The following THTPA variants were observed in gnomAD, a reference collection of about 807,000 sequenced individuals.
The protein encoded by THTPA is thiamine-triphosphatase.
THTPA carries 16 observed loss-of-function variants against 16.5 expected under a neutral mutation model. The ratio of observed to expected loss-of-function variants is 0.97; its 90% CI spans 0.66 to 1.47. The LOEUF (loss-of-function observed/expected upper bound fraction) is 1.47. Among genes scored for constraint, THTPA ranks in the 40% most tolerant of loss-of-function variants. THTPA has a pLI of 0.00. For synonymous variants in THTPA, 110 were observed against 115.5 expected, an observed-to-expected ratio of 0.95 and a Z score of 0.30; for missense variants, 281 against 280.9, an observed-to-expected ratio of 1.00 and a Z score of 0.00.
the THTPA span, among the ~76,000 whole-genome samples, chr14:23,515,665 AT>A: frequency 6.6e-6 from 1 of 152,132 alleles, no homozygotes; most frequent in East Asian, 1.9e-4. Flanking sequence ...GATCTGGAAG[AT>A]TTGGCTGTGG....
chr14:23,556,583 G>A lies in THTPA; in HGVS notation c.-175G>A. Reference sequence around the variant, plus strand: ...AAAATATCACCGACGGGGCCTTAATGTCACCGAGGTAGAGAGAAAAGGGCA... The same window carrying A: ...AAAATATCACCGACGGGGCCTTAATATCACCGAGGTAGAGAGAAAAGGGCA... On this transcript the variant is annotated 5_prime_UTR_variant, in exon 1 of 2. An upstream start codon of the reference 5' UTR is lost. Coordinates refer to ENST00000288014, the MANE Select transcript of THTPA (RefSeq NM_024328.6). 1.5e-6 allele frequency: 1 copy of A among 672,630 alleles called. No homozygotes were observed. The highest frequency in any genetic ancestry group is 2.5e-6 in the Non-Finnish European group (1 of 406,350). 41.7% of individuals were successfully genotyped at this position (672,630 alleles called of 1,614,324 possible).
At chr14:23,525,644 T>C in the THTPA span, 1 of 1,535,848 alleles carries the variant, frequency 6.5e-7, no homozygotes, top group Non-Finnish European at 8.7e-7. This position sits in a 1 kb window ranked among gnomAD's most constrained non-coding sequence, Gnocchi z 5.9. Context: ...GGCAGCCTCG[T>C]TGGGCAATGG....
chr14:23,513,724 T>TG, the THTPA span: 40,332 of 152,304 alleles, frequency 0.26, 5,970 homozygotes, highest in African/African-American at 0.41. Flanking sequence ...TGGGAGCTGT[T>TG]GGCATCACAT....
At chr14:23,543,578 G>C in the THTPA span, 1 of 152,298 alleles carries the variant, frequency 6.6e-6, no homozygotes, top group African/African-American at 2.4e-5. Context: ...GCACTGCTTT[G>C]CGCAACTCCA....
At chr14:23,550,690 G>C in the THTPA span, among the ~76,000 whole-genome samples, 7 of 152,160 alleles carry the variant, frequency 4.6e-5, no homozygotes, top group Admixed American at 3.3e-4. Context: ...TGGTAGGATG[G>C]GCGTGCAGGA....
At chr14:23,530,401 C>G in the THTPA span, 1 of 684,646 alleles carries the variant, frequency 1.5e-6, no homozygotes, top group East Asian at 2.7e-5. Flanking sequence ...CTGGTAGGGC[C>G]TAAGAGATCA....
the THTPA span, among the ~76,000 whole-genome samples, chr14:23,517,933 C>T: frequency 3.3e-5 from 5 of 152,198 alleles, no homozygotes; most frequent in Admixed American, 6.5e-5. Context: ...TTCCTCTTAC[C>T]GGTTACTTTT....
chr14:23,527,267 G>A, the THTPA span, among the ~76,000 whole-genome samples: 1 of 152,206 alleles, frequency 6.6e-6, no homozygotes, highest in African/African-American at 2.4e-5. Context: ...AGGACTTAGT[G>A]GAGGTGAAAC....
In THTPA at chr14:23,556,802, GC is replaced by G; in HGVS notation, c.47del (p.Pro16LeufsTer30). 1 of 1,613,680 alleles carries G rather than the reference GC, an allele frequency of 6.2e-7. No individual in the cohort carries two copies. Among genetic ancestry groups the G allele is most frequent in the Non-Finnish European group, 8.5e-7 (1 of 1,179,818 alleles). ...IEVERKFLPGPGTEERLQELG... is the reference protein window; with the variant it reads ...IEVERKFLPGXGTEERLQELG... ...AGGTGGAGCGAAAGTTCCTTCCAGG[GC>G]CTGGCACAGAGGAGCGGCTGCAGGA... On this transcript the variant is annotated frameshift_variant, in exon 1 of 2. Coordinates refer to ENST00000288014, the MANE Select transcript of THTPA (RefSeq NM_024328.6). LOFTEE classifies it high-confidence loss of function.
At chr14:23,525,984 A>G in the THTPA span, 3 of 1,520,974 alleles carry the variant, frequency 2.0e-6, no homozygotes, top group Non-Finnish European at 2.6e-6. This position sits in a 1 kb window ranked among gnomAD's most constrained non-coding sequence, Gnocchi z 5.9. Context: ...AGGAAAGGCA[A>G]TCCAGATATG....
chr14:23,522,224 G>A, the THTPA span: 5 of 1,478,660 alleles, frequency 3.4e-6, no homozygotes, highest in African/African-American at 4.2e-5. Context: ...CCGCAATGGG[G>A]GTGGCATGGA....
At chr14:23,554,549 A>ATTT (rs35367737), upstream of THTPA, among the ~76,000 whole-genome samples, 9 of 135,652 alleles carry the variant, frequency 6.6e-5, no homozygotes, top group East Asian at 6.3e-4. Context: ...GCTAATTAAA[A>ATTT]TTTTTTTTTT....
chr14:23,523,558 T>C, the THTPA span: 1 of 1,538,254 alleles, frequency 6.5e-7, no homozygotes, highest in Non-Finnish European at 8.7e-7. This position sits in a 1 kb window ranked among gnomAD's most constrained non-coding sequence, Gnocchi z 4.1. Flanking sequence ...TCCCAGCGGC[T>C]GTCCCCTGTA....
At chr14:23,529,593 C>T in the THTPA span, 16 of 1,052,754 alleles carry the variant, frequency 1.5e-5, no homozygotes, top group Non-Finnish European at 2.3e-5. Context: ...CTTAACTGTG[C>T]TATTCTGAGT....
At chr14:23,528,219 A>T in the THTPA span, among the ~76,000 whole-genome samples, 1 of 152,142 alleles carries the variant, frequency 6.6e-6, no homozygotes, top group African/African-American at 2.4e-5. Context: ...TCTCACTCCT[A>T]ATTGAAGAGG....
chr14:23,530,091 G>A, the THTPA span: 1 of 1,522,688 alleles, frequency 6.6e-7, no homozygotes, highest in Non-Finnish European at 8.8e-7. Context: ...GAAGGTAGGA[G>A]GACTGGGGGG....
the THTPA span, chr14:23,529,432 C>A: frequency 4.9e-6 from 2 of 410,394 alleles, no homozygotes; most frequent in Non-Finnish European, 8.9e-6. Flanking sequence ...TGTACCCCCA[C>A]TCTTTCCTAC....
At chr14:23,529,552 GA>G in the THTPA span, 6 of 744,384 alleles carry the variant, frequency 8.1e-6, no homozygotes, top group Non-Finnish European at 1.3e-5. Flanking sequence ...CGAAAGTGCT[GA>G]ACATGTGGAA....
At chr14:23,522,709 A>G in the THTPA span, 1 of 1,536,612 alleles carries the variant, frequency 6.5e-7, no homozygotes, top group Non-Finnish European at 8.7e-7. Flanking sequence ...TGAGGGCATC[A>G]TTGGAGGAGC....
Sources: gnomAD v4.1 joint callset for allele counts (sites outside exome capture counted in the v4.1 genomes callset) on GRCh38, gnomAD v4.1.1 for gene constraint, Gnocchi (gnomAD v3.1) non-coding constraint, MANE v1.5 for transcripts, NCBI Gene and HGNC (gene_info 2026-07-23, HGNC 2026-07-21) for gene names.